The following SSH2 variants were observed in gnomAD, a reference collection of about 807,000 sequenced individuals.
The protein encoded by SSH2 is slingshot protein phosphatase 2, also known as protein phosphatase Slingshot homolog 2.
SSH2 carries 37 observed loss-of-function variants against 135.2 expected under a neutral mutation model. The observed-to-expected ratio is 0.27, with a 90% confidence interval of 0.21 to 0.36. SSH2 has a LOEUF of 0.36. Among genes scored for constraint, SSH2 ranks in the 10% least tolerant of loss-of-function variants. SSH2 has a pLI of 1.00. For synonymous variants in SSH2, 628 were observed against 646.2 expected (o/e 0.97, Z 0.43); for missense variants, 1,408 against 1,765.3 (o/e 0.80, Z 3.63).
intron 11 of SSH2, among the ~76,000 whole-genome samples, chr17:29,657,189 A>T (rs950536701): frequency 1.3e-5 from 2 of 150,990 alleles, no homozygotes; most frequent in Non-Finnish European, 3.0e-5. Flanking sequence ...CTGGTCTTGA[A>T]CTCCTGACCT....
In SSH2 at chr17:29,787,028, A is replaced by T. The variant is rs544526634; in HGVS notation, c.188+6866T>A. On this transcript the variant is annotated intron_variant, in intron 3 of 15. Transcript: ENST00000540801. Reference sequence around the variant, plus strand: ...CCATCTTAACTACTTTTAAGTGTACAGTTCACTGGCATTAAGTACGTTCAC... The same window carrying T: ...CCATCTTAACTACTTTTAAGTGTACTGTTCACTGGCATTAAGTACGTTCAC... Among the ~76,000 whole-genome samples, 8 of 152,338 alleles carry T rather than the reference A, an allele frequency of 5.3e-5. No homozygotes were observed. In the East Asian group the frequency reaches 1.3e-3, roughly 26 times the overall value.
intron 1 of SSH2, among the ~76,000 whole-genome samples, chr17:29,919,458 C>G (rs1235873115): frequency 6.6e-6 from 1 of 152,160 alleles, no homozygotes; most frequent in Non-Finnish European, 1.5e-5. Context: ...ATGAGGGGCA[C>G]TGTGATCAGT....
chr17:29,686,828 C>T (rs2038244117), intron 5 of SSH2, among the ~76,000 whole-genome samples: 1 of 152,044 alleles, frequency 6.6e-6, no homozygotes, highest in Non-Finnish European at 1.5e-5. Context: ...GCCACCATGC[C>T]TGGCTAATTT....
Position 29,793,884 on chromosome 17 carries a change from A to G in SSH2, c.188+10T>C. 2 of 1,611,730 alleles carry G rather than the reference A, an allele frequency of 1.2e-6. No homozygotes were observed. Among genetic ancestry groups the G allele is most frequent in the Non-Finnish European group, 1.7e-6 (2 of 1,178,016 alleles). On this transcript the variant is annotated intron_variant, in intron 3 of 15. Coordinates refer to ENST00000540801, the MANE Select transcript of SSH2 (RefSeq NM_001282129.2). ...ACAAAAATGCCGTAGGATATAATGA[A>G]CAAACATACCTCCTGGGCTGTGACC...
rs987455088 is a variant in SSH2, at chr17:29,626,738, G to T, written c.*4103C>A. 1 of 152,628 alleles carries T rather than the reference G, an allele frequency of 6.6e-6. No individual in the cohort carries two copies. The highest frequency in any genetic ancestry group is 6.5e-5 in the Admixed American group (1 of 15,278). 9.5% of individuals were successfully genotyped at this position (152,628 alleles called of 1,614,324 possible). On this transcript the variant is annotated 3_prime_UTR_variant, in exon 16 of 16. Coordinates refer to ENST00000540801, the MANE Select transcript of SSH2 (RefSeq NM_001282129.2). ...TAGGAGTGTGCAGCTTCCTGCTTTG[G>T]TGGCAGGCCTTTTCCTAATATGGGT...
At chr17:29,659,455 C>G (rs2036929496) in intron 11 of SSH2, among the ~76,000 whole-genome samples, 1 of 152,214 alleles carries the variant, frequency 6.6e-6, no homozygotes, top group South Asian at 2.1e-4. Flanking sequence ...AAGTGAGCAA[C>G]TTTTCATTGT....
chr17:29,709,329 G>A (rs553613129), intron 3 of SSH2, among the ~76,000 whole-genome samples: 108 of 152,126 alleles, frequency 7.1e-4, no homozygotes, highest in Non-Finnish European at 1.4e-3. Flanking sequence ...AGTTTATGGC[G>A]GACGAAATAC....
intron 2 of SSH2, among the ~76,000 whole-genome samples, chr17:29,815,339 G>T (rs887684365): frequency 3.3e-5 from 5 of 152,012 alleles, no homozygotes; most frequent in Admixed American, 1.3e-4. Flanking sequence ...GGCCAGGATG[G>T]TCTCAACCTC....
intron 2 of SSH2, among the ~76,000 whole-genome samples, chr17:29,823,084 C>T (rs1372097000): frequency 6.6e-6 from 1 of 151,930 alleles, no homozygotes; most frequent in Non-Finnish European, 1.5e-5. Flanking sequence ...AAATAAAAAA[C>T]ATCTATATAG....
intron 11 of SSH2, 70 bp from the exon 12 acceptor site, chr17:29,655,677 G>GAGA: frequency 1.4e-6 from 2 of 1,423,328 alleles, no homozygotes; most frequent in South Asian, 2.3e-5. Flanking sequence ...AAAGGAGCGA[G>GAGA]AGAAGAAGAA....
intron 9 of SSH2, among the ~76,000 whole-genome samples, chr17:29,671,151 T>C (rs529373008): frequency 4.6e-5 from 7 of 152,166 alleles, no homozygotes; most frequent in Admixed American, 1.3e-4. Flanking sequence ...CAGAATGACA[T>C]CTGAATGATA....
At chr17:29,909,731 G>A (rs2066730949) in intron 1 of SSH2, among the ~76,000 whole-genome samples, 1 of 152,068 alleles carries the variant, frequency 6.6e-6, no homozygotes, top group Non-Finnish European at 1.5e-5. Context: ...TGCTTACACT[G>A]AGCAAAAAAA....
intron 1 of SSH2, among the ~76,000 whole-genome samples, chr17:29,867,193 T>G (rs1206222959): frequency 6.6e-6 from 1 of 152,220 alleles, no homozygotes; most frequent in Non-Finnish European, 1.5e-5. Context: ...AACAGCAGGC[T>G]GGCAAAACAA....
chr17:29,822,935 G>A (rs2042678885), intron 2 of SSH2, among the ~76,000 whole-genome samples: 2 of 152,170 alleles, frequency 1.3e-5, no homozygotes, highest in East Asian at 3.8e-4. Context: ...AACTCAAAGA[G>A]TTTGGGAGGG....
At chr17:29,712,459 C>G (rs1290048486) in intron 3 of SSH2, among the ~76,000 whole-genome samples, 1 of 152,108 alleles carries the variant, frequency 6.6e-6, no homozygotes. Context: ...CTCTAGCCTC[C>G]CATTAGGATG....
At chr17:29,792,964 G>A (rs2042096551) in intron 3 of SSH2, among the ~76,000 whole-genome samples, 1 of 152,106 alleles carries the variant, frequency 6.6e-6, no homozygotes, top group South Asian at 2.1e-4. Context: ...GTGAGCCACC[G>A]CGCCCGGCCT....
At chr17:29,713,631 C>A (rs150242592) in intron 3 of SSH2, among the ~76,000 whole-genome samples, 16 of 152,214 alleles carry the variant, frequency 1.1e-4, no homozygotes, top group Non-Finnish European at 1.9e-4. Context: ...ATTTTGACTT[C>A]TGAATACCTT....
At chr17:29,904,546 T>C (rs2066619192) in intron 1 of SSH2, among the ~76,000 whole-genome samples, 1 of 152,066 alleles carries the variant, frequency 6.6e-6, no homozygotes, top group Non-Finnish European at 1.5e-5. Context: ...GCCAATATCA[T>C]ACTGAATGGG....
chr17:29,889,850 C>T (rs549163406), intron 1 of SSH2, among the ~76,000 whole-genome samples: 1 of 134,268 alleles, frequency 7.4e-6, no homozygotes, highest in Non-Finnish European at 1.5e-5. Context: ...TGAGATCAGA[C>T]ACCAAGACTG....
Sources: gnomAD v4.1 joint callset for allele counts (sites outside exome capture counted in the v4.1 genomes callset) on GRCh38, gnomAD v4.1.1 for gene constraint, MANE v1.5 for transcripts, NCBI Gene and HGNC (gene_info 2026-07-23, HGNC 2026-07-21) for gene names.